MARCHF11: variants seen among roughly 807,000 people sequenced by gnomAD.
The protein encoded by MARCHF11 is membrane associated ring-CH-type finger 11, also known as E3 ubiquitin-protein ligase MARCHF11.
Under a neutral mutation model 37.3 loss-of-function variants are expected in MARCHF11, and 29 were observed. The observed-to-expected ratio is 0.78, with a 90% CI of 0.58 to 1.06. The LOEUF is 1.06. Among genes scored for constraint, MARCHF11 ranks in the 50% least tolerant of loss-of-function variants. The probability of loss-of-function intolerance (pLI) is 0.00; values close to 1 mark genes in which losing one functional copy is unlikely to be tolerated. For missense variants in MARCHF11, 482 were observed against 533.4 expected (o/e 0.90, Z 0.95); for synonymous variants, 233 against 228.0 (o/e 1.02, Z -0.20).
chr5:16,103,295 C>T (rs1560975441), intron 2 of MARCHF11, among the ~76,000 whole-genome samples: 1 of 152,050 alleles, frequency 6.6e-6, no homozygotes, highest in Non-Finnish European at 1.5e-5. Context: ...GGTGGAGAGA[C>T]AGCAGAGGAC....
chr5:16,160,967 G>A (rs190343422), intron 2 of MARCHF11, among the ~76,000 whole-genome samples: 2 of 152,068 alleles, frequency 1.3e-5, no homozygotes, highest in African/African-American at 4.8e-5. Context: ...CTGAGGACAT[G>A]GATACCAACA....
chr5:16,069,424 G>A (rs1269110732), intron 3 of MARCHF11, among the ~76,000 whole-genome samples: 1 of 152,174 alleles, frequency 6.6e-6, no homozygotes, highest in Non-Finnish European at 1.5e-5. Context: ...TGTCCCAAAT[G>A]TTGCATTTTT....
At chr5:16,129,708 A>T (rs189490551) in intron 2 of MARCHF11, among the ~76,000 whole-genome samples, 98 of 152,326 alleles carry the variant, frequency 6.4e-4, no homozygotes, top group Non-Finnish European at 6.5e-4. Context: ...ATGGAATAAG[A>T]TATTTGCAAT....
chr5:16,112,271 A>G (rs566903599), intron 2 of MARCHF11, among the ~76,000 whole-genome samples: 1 of 152,294 alleles, frequency 6.6e-6, no homozygotes, highest in South Asian at 2.1e-4. Context: ...CAAACACTCA[A>G]CACCAGCCCA....
intron 2 of MARCHF11, among the ~76,000 whole-genome samples, chr5:16,158,902 T>C (rs1738027377): frequency 6.6e-6 from 1 of 151,854 alleles, no homozygotes; most frequent in Non-Finnish European, 1.5e-5. Flanking sequence ...CCCCTCCCTG[T>C]GTCCATCCAT....
chr5:16,075,828 G>A (rs1736507098), intron 3 of MARCHF11, among the ~76,000 whole-genome samples: 1 of 152,308 alleles, frequency 6.6e-6, no homozygotes, highest in South Asian at 2.1e-4. Context: ...GTCTTTGGGG[G>A]TAACGGTGGT....
At chr5:16,095,663 G>A (rs1736856706) in intron 2 of MARCHF11, among the ~76,000 whole-genome samples, 1 of 152,142 alleles carries the variant, frequency 6.6e-6, no homozygotes, top group Non-Finnish European at 1.5e-5. Context: ...TGGCACTAAT[G>A]CCACCTCTTG....
intron 2 of MARCHF11, among the ~76,000 whole-genome samples, chr5:16,175,117 T>C (rs1738333887): frequency 2.0e-5 from 3 of 152,180 alleles, no homozygotes; most frequent in African/African-American, 7.2e-5. Flanking sequence ...CCAGGTCAAA[T>C]GAGCAAGCCT....
At chr5:16,093,408 C>T (rs1385847262) in intron 2 of MARCHF11, among the ~76,000 whole-genome samples, 1 of 152,160 alleles carries the variant, frequency 6.6e-6, no homozygotes, top group Admixed American at 6.5e-5. Context: ...TGATAATTCA[C>T]CGTGGTGTCT....
At chr5:16,091,366 G>A (rs1016888163) in intron 2 of MARCHF11, among the ~76,000 whole-genome samples, 2 of 152,244 alleles carry the variant, frequency 1.3e-5, no homozygotes, top group Non-Finnish European at 1.5e-5. Context: ...GGAATATTTA[G>A]TATCTGGAAA....
At chr5:16,082,012 A>G (rs1394780945) in intron 3 of MARCHF11, among the ~76,000 whole-genome samples, 3 of 152,352 alleles carry the variant, frequency 2.0e-5, no homozygotes, top group Middle Eastern at 3.4e-3. Flanking sequence ...GAACATCAGT[A>G]TGATTAAGGC....
intron 2 of MARCHF11, among the ~76,000 whole-genome samples, chr5:16,113,207 T>A (rs1341811020): frequency 6.6e-6 from 1 of 152,210 alleles, no homozygotes; most frequent in Non-Finnish European, 1.5e-5. Context: ...GATGCCATGA[T>A]CTATAGAAAG....
At chr5:16,103,236 C>G (rs1736989307) in intron 2 of MARCHF11, among the ~76,000 whole-genome samples, 1 of 152,102 alleles carries the variant, frequency 6.6e-6, no homozygotes, top group Non-Finnish European at 1.5e-5. Context: ...GTCATCAAGT[C>G]ATCAGCACTT....
Position 16,114,460 on chromosome 5 carries a change from T to C in MARCHF11, c.694-23379A>G, listed in dbSNP as rs563402774. Among the ~76,000 whole-genome samples, 6 of 152,284 alleles carry C rather than the reference T, an allele frequency of 3.9e-5. No individual in the cohort carries two copies. In the East Asian group the frequency reaches 1.2e-3, roughly 29 times the overall value. On this transcript the variant is annotated intron_variant, in intron 2 of 3. Coordinates refer to ENST00000332432, the MANE Select transcript of MARCHF11 (RefSeq NM_001102562.3). ...GAGTTTCATTTTTGCAGAGATTATG[T>C]TTGCAGGTAAATTGCCAACATGTCC...
chr5:16,163,424 C>G (rs1170233603), intron 2 of MARCHF11, among the ~76,000 whole-genome samples: 1 of 152,012 alleles, frequency 6.6e-6, no homozygotes, highest in Admixed American at 6.6e-5. Context: ...ATTAGGGAAT[C>G]TTAGACTGTG....
At chr5:16,115,096 T>C (rs1344532393) in intron 2 of MARCHF11, among the ~76,000 whole-genome samples, 1 of 152,228 alleles carries the variant, frequency 6.6e-6, no homozygotes, top group Admixed American at 6.5e-5. Context: ...TCATGAATCT[T>C]GACTGCAGTA....
intron 2 of MARCHF11, among the ~76,000 whole-genome samples, chr5:16,157,892 G>A (rs1738003773): frequency 6.6e-6 from 1 of 151,882 alleles, no homozygotes; most frequent in South Asian, 2.1e-4. Context: ...AGAGTGAAGA[G>A]ACAACCTATG....
At chr5:16,104,190 T>C (rs1003130274) in intron 2 of MARCHF11, among the ~76,000 whole-genome samples, 2 of 152,158 alleles carry the variant, frequency 1.3e-5, no homozygotes, top group African/African-American at 4.8e-5. Context: ...AAACCATCTT[T>C]AAGGCCCCTT....
At chr5:16,083,849 C>A (rs1290370477) in intron 3 of MARCHF11, among the ~76,000 whole-genome samples, 1 of 152,162 alleles carries the variant, frequency 6.6e-6, no homozygotes, top group African/African-American at 2.4e-5. Context: ...AGAAAGCAAA[C>A]TACAAGGAGG....
Sources: allele counts gnomAD v4.1 joint callset (sites outside exome capture counted in the v4.1 genomes callset), GRCh38; gene constraint gnomAD v4.1.1; transcripts MANE v1.5; gene names NCBI Gene and HGNC (gene_info 2026-07-23, HGNC 2026-07-21).